The following PTPN4 variants were observed in gnomAD, a reference collection of about 807,000 sequenced individuals.
PTPN4 encodes tyrosine-protein phosphatase non-receptor type 4.
PTPN4 carries 49 observed loss-of-function variants against 135.5 expected under a neutral mutation model. The observed-to-expected ratio is 0.36, with a 90% CI of 0.29 to 0.46. The LOEUF (loss-of-function observed/expected upper bound fraction) is 0.46, where lower values mean the gene tolerates loss of function less well. Ranked by LOEUF, PTPN4 falls within the 20% of genes least tolerant of loss-of-function variation. The pLI, the probability that PTPN4 is intolerant of heterozygous loss-of-function variation, is 1.00. For synonymous variants in PTPN4, 333 were observed against 369.9 expected (o/e 0.90, Z 1.14); for missense variants, 860 against 1,101.0 (o/e 0.78, Z 3.10).
At chr2:119,812,677 A>T (rs1209491727) in intron 2 of PTPN4, among the ~76,000 whole-genome samples, 1 of 152,154 alleles carries the variant, frequency 6.6e-6, no homozygotes, top group East Asian at 1.9e-4. Context: ...ACTGTGGCCA[A>T]CCTATGGAGT....
chr2:119,790,995 A>T lies in PTPN4; in HGVS notation c.-17-18842A>T, dbSNP rs1007361395. The stretch of plus-strand genomic sequence containing the variant: ...TTTGTATTACTGTCACACAAATTGC[A>T]TCTTTATACATTGTAAGCCCATCAA... On this transcript the variant is annotated intron_variant, in intron 1 of 26. Coordinates refer to ENST00000263708, the MANE Select transcript of PTPN4 (RefSeq NM_002830.4). Among the ~76,000 whole-genome samples the T allele has an allele frequency of 2.0e-5, 3 of 152,160 alleles. No homozygotes were observed. The East Asian group carries it at 5.8e-4, about 29-fold the overall frequency.
intron 15 of PTPN4, among the ~76,000 whole-genome samples, chr2:119,938,162 C>G (rs1391662006): frequency 2.3e-5 from 3 of 130,592 alleles, no homozygotes; most frequent in African/African-American, 8.6e-5. Flanking sequence ...AAGTCTCACT[C>G]TGTCGCCCAG....
chr2:119,956,237 A>ATTTTTTTTT (rs10627020), intron 20 of PTPN4, among the ~76,000 whole-genome samples: 6 of 101,042 alleles, frequency 5.9e-5, no homozygotes, highest in East Asian at 3.2e-4. Flanking sequence ...ATAAACCTGA[A>ATTTTTTTTT]TTTTTTTTTT....
chr2:119,800,076 G>A (rs1029726078), intron 1 of PTPN4, among the ~76,000 whole-genome samples: 1 of 152,140 alleles, frequency 6.6e-6, no homozygotes, highest in African/African-American at 2.4e-5. Context: ...AATGCGTAAT[G>A]ACTTCATTCC....
intron 26 of PTPN4, among the ~76,000 whole-genome samples, chr2:119,972,152 T>C (rs1398561862): frequency 7.5e-6 from 1 of 134,112 alleles, no homozygotes; most frequent in African/African-American, 2.7e-5. Flanking sequence ...GAATTTTGAA[T>C]AAGTTTATTC....
intron 11 of PTPN4, among the ~76,000 whole-genome samples, chr2:119,918,171 A>G (rs1253692916): frequency 6.6e-6 from 1 of 152,226 alleles, no homozygotes; most frequent in East Asian, 1.9e-4. Context: ...GGCAATCAAG[A>G]AGTGATGTTT....
intron 10 of PTPN4, among the ~76,000 whole-genome samples, chr2:119,910,765 G>C (rs1408975217): frequency 6.6e-6 from 1 of 152,034 alleles, no homozygotes; most frequent in African/African-American, 2.4e-5. Flanking sequence ...TACCTTGCTT[G>C]CCCTTTGCCT....
intron 24 of PTPN4, 86 bp downstream of exon 24, chr2:119,962,830 G>A: frequency 8.7e-7 from 1 of 1,147,402 alleles, no homozygotes; most frequent in East Asian, 2.9e-5. Flanking sequence ...TTGAGTATTG[G>A]TTGCTAGGAA....
chr2:119,967,081 A>G (rs1679454943), intron 25 of PTPN4, among the ~76,000 whole-genome samples: 1 of 152,230 alleles, frequency 6.6e-6, no homozygotes, highest in Non-Finnish European at 1.5e-5. Context: ...CAAGTCCCTG[A>G]TAACTACTGC....
chr2:119,857,154 GC>G (rs1194992554), intron 2 of PTPN4, among the ~76,000 whole-genome samples: 1 of 151,756 alleles, frequency 6.6e-6, no homozygotes, highest in Admixed American at 6.6e-5. Context: ...TGTGATCTTG[GC>G]TCACTGCAAC....
At chr2:119,793,858 T>TG (rs1691201451) in intron 1 of PTPN4, among the ~76,000 whole-genome samples, 2 of 132,832 alleles carry the variant, frequency 1.5e-5, no homozygotes, top group African/African-American at 5.7e-5. Flanking sequence ...TTTTTTTTTT[T>TG]TTTTTTTTTT....
intron 26 of PTPN4, among the ~76,000 whole-genome samples, chr2:119,971,183 G>A (rs1679528162): frequency 2.0e-5 from 3 of 152,328 alleles, no homozygotes; most frequent in Middle Eastern, 3.4e-3. Context: ...TACAATCATG[G>A]TGGAAGGCAA....
At chr2:119,946,885 G>A (rs186180280) in intron 18 of PTPN4, among the ~76,000 whole-genome samples, 4 of 152,086 alleles carry the variant, frequency 2.6e-5, no homozygotes, top group East Asian at 1.9e-4. Context: ...GGGGGTTTTT[G>A]TTTGCTTGTT....
intron 2 of PTPN4, among the ~76,000 whole-genome samples, chr2:119,825,495 CTTTTTT>C (rs891070534): frequency 7.7e-6 from 1 of 129,304 alleles, no homozygotes; most frequent in Non-Finnish European, 1.6e-5. Flanking sequence ...GAACCCAAGC[CTTTTTT>C]TTTTTTTTTT....
At chr2:119,898,914 C>A (rs1488431699) in intron 9 of PTPN4, among the ~76,000 whole-genome samples, 2 of 152,080 alleles carry the variant, frequency 1.3e-5, no homozygotes, top group African/African-American at 4.8e-5. Context: ...ATTGGCTTCT[C>A]TGTTTATTGG....
chr2:119,935,008 T>C (rs758782590), intron 15 of PTPN4, 50 bp downstream of exon 15: 1 of 1,524,206 alleles, frequency 6.6e-7, no homozygotes, highest in Admixed American at 2.0e-5. Flanking sequence ...TGCCCCAAAT[T>C]GCTTTACTTA....
intron 9 of PTPN4, among the ~76,000 whole-genome samples, chr2:119,896,451 TG>T (rs760795712): frequency 1.2e-4 from 18 of 152,212 alleles, no homozygotes; most frequent in Non-Finnish European, 1.8e-4. Flanking sequence ...CAACATAATT[TG>T]CTGTCCTCTC....
At chr2:119,769,956 G>T (rs968466412) in intron 1 of PTPN4, among the ~76,000 whole-genome samples, 1 of 152,186 alleles carries the variant, frequency 6.6e-6, no homozygotes, top group Admixed American at 6.5e-5. Context: ...GTTGTGTAAA[G>T]AGCTTCTCTT....
chr2:119,818,877 A>G (rs1300723600), intron 2 of PTPN4, among the ~76,000 whole-genome samples: 1 of 152,158 alleles, frequency 6.6e-6, no homozygotes, highest in South Asian at 2.1e-4. Context: ...GTTCATCAAG[A>G]TATCTCTCCT....
Sources: gnomAD v4.1 joint callset for allele counts (sites outside exome capture counted in the v4.1 genomes callset) on GRCh38, gnomAD v4.1.1 for gene constraint, MANE v1.5 for transcripts, NCBI Gene and HGNC (gene_info 2026-07-23, HGNC 2026-07-21) for gene names.